FLT1: variants seen among roughly 807,000 people sequenced by gnomAD.
FLT1 encodes fms related receptor tyrosine kinase 1.
Under a neutral mutation model 156.3 loss-of-function variants are expected in FLT1, and 49 were observed. The ratio of observed to expected loss-of-function variants is 0.31; its 90% CI spans 0.25 to 0.40. FLT1 has a LOEUF of 0.40. FLT1 is among the 10% of genes least tolerant of loss of function. FLT1 has a pLI of 1.00. For synonymous variants in FLT1, 594 were observed against 583.8 expected, an observed-to-expected ratio of 1.02 and a Z score of -0.25; for missense variants, 1,322 against 1,637.2, an observed-to-expected ratio of 0.81 and a Z score of 3.32.
chr13:28,470,216 G>A (rs565522298), intron 1 of FLT1, among the ~76,000 whole-genome samples: 188 of 152,276 alleles, frequency 1.2e-3, no homozygotes, highest in African/African-American at 3.7e-3. Context: ...ACCTAGGAAT[G>A]TATTTTAACT....
At chr13:28,431,455 T>G (rs2137547249) in intron 6 of FLT1, 145 bp from the exon 7 acceptor site, 1 of 673,734 alleles carries the variant, frequency 1.5e-6, no homozygotes, top group African/African-American at 1.8e-5. Flanking sequence ...TAGAGCGTAA[T>G]GTTTGGAAAC....
chr13:28,459,123 C>A (rs1879423412), intron 3 of FLT1, among the ~76,000 whole-genome samples: 1 of 152,224 alleles, frequency 6.6e-6, no homozygotes, highest in African/African-American at 2.4e-5. Context: ...AAGGATAATT[C>A]TGCAGATGCA....
At chr13:28,312,327 A>G (rs1871038562) in intron 25 of FLT1, among the ~76,000 whole-genome samples, 1 of 152,130 alleles carries the variant, frequency 6.6e-6, no homozygotes, top group Non-Finnish European at 1.5e-5. Flanking sequence ...CAGACTAACC[A>G]ACCCACCAGA....
rs530954371 is a variant in FLT1, at chr13:28,441,779, C to CA, written c.389-3435dup. Among the ~76,000 whole-genome samples the CA allele has an allele frequency of 4.8e-3, 722 of 151,776 alleles. 9 individuals are homozygous for CA. The highest frequency in any genetic ancestry group is 0.017 in the African/African-American group (689 of 41,406). ...AACATAGCAAGATCCCTTCTCTGCCCAAAAAAAGTTAAAAATGATTATCTT... is the reference window on the plus strand; with the variant it reads ...AACATAGCAAGATCCCTTCTCTGCCCAAAAAAAAGTTAAAAATGATTATCTT... On this transcript the variant is annotated intron_variant, in intron 3 of 29. Transcript: ENST00000282397.
chr13:28,445,906 A>C (rs1371229310), intron 3 of FLT1, among the ~76,000 whole-genome samples: 1 of 152,198 alleles, frequency 6.6e-6, no homozygotes, highest in East Asian at 1.9e-4. Context: ...CAAAAAACTC[A>C]ATAAAGTACT....
chr13:28,401,867 A>G (rs986995292), intron 11 of FLT1, among the ~76,000 whole-genome samples: 6 of 152,246 alleles, frequency 3.9e-5, no homozygotes, highest in African/African-American at 1.2e-4. Context: ...CAATGGAAAT[A>G]TTGCTAACAC....
At chr13:28,465,495 T>C (rs1566044083) in intron 3 of FLT1, among the ~76,000 whole-genome samples, 1 of 152,188 alleles carries the variant, frequency 6.6e-6, no homozygotes, top group Non-Finnish European at 1.5e-5. Context: ...TTTGGATATG[T>C]ACATGTTATG....
intron 10 of FLT1, among the ~76,000 whole-genome samples, chr13:28,420,172 T>A (rs1051585287): frequency 4.6e-5 from 7 of 152,216 alleles, no homozygotes; most frequent in Admixed American, 1.3e-4. Context: ...TTAAGCAGCA[T>A]GCACTTCCTC....
chr13:28,381,465 A>G (rs1039459064), intron 14 of FLT1, among the ~76,000 whole-genome samples: 3 of 152,218 alleles, frequency 2.0e-5, no homozygotes, highest in Non-Finnish European at 4.4e-5. Flanking sequence ...AGGCTGAGTC[A>G]GGAGAATCAC....
At chr13:28,374,040 G>A (rs1873737002) in intron 14 of FLT1, among the ~76,000 whole-genome samples, 1 of 152,152 alleles carries the variant, frequency 6.6e-6, no homozygotes, top group Non-Finnish European at 1.5e-5. Flanking sequence ...GTCAAAAAAG[G>A]AGAAGCTTTA....
chr13:28,346,169 GCCTGAGATAGAAGAGGCAATTGCTGGA>G (rs1319914452), intron 15 of FLT1: 1 of 152,900 alleles, frequency 6.5e-6, no homozygotes, highest in Non-Finnish European at 1.5e-5. Context: ...AGATTGGGGG[GCCTGAGATAGAAGAGGCAATTGCTGGA>G]CCTGAATCCT....
At chr13:28,344,877 C>T (rs977106624) in intron 16 of FLT1, among the ~76,000 whole-genome samples, 4 of 130,440 alleles carry the variant, frequency 3.1e-5, no homozygotes, top group Non-Finnish European at 6.2e-5. Flanking sequence ...ATATGACTCA[C>T]TTCTCACTTG....
intron 4 of FLT1, among the ~76,000 whole-genome samples, chr13:28,434,920 A>G (rs201850383): frequency 1.3e-5 from 2 of 152,240 alleles, no homozygotes; most frequent in Non-Finnish European, 2.9e-5. Context: ...TTTTTTTTCT[A>G]CCGGGGCTGC....
intron 10 of FLT1, among the ~76,000 whole-genome samples, chr13:28,417,974 T>C (rs114293295): frequency 0.022 from 3,280 of 152,220 alleles, 127 homozygotes; most frequent in African/African-American, 0.074. Context: ...AGCCATGAGT[T>C]TTGTGAGGCC....
At chr13:28,428,123 C>T (rs184912502) in intron 8 of FLT1, among the ~76,000 whole-genome samples, 1 of 152,158 alleles carries the variant, frequency 6.6e-6, no homozygotes. Context: ...TATTTATTGG[C>T]AAGGAAGAAG....
At position 28,322,332 on chromosome 13, in the gene FLT1, A is replaced by C; in HGVS notation, c.2981T>G (p.Ile994Ser). 1 of 1,612,936 alleles carries C rather than the reference A, an allele frequency of 6.2e-7. No individual in the cohort carries two copies. Among genetic ancestry groups the C allele is most frequent in the Non-Finnish European group, 8.5e-7 (1 of 1,178,890 alleles). The change falls in exon 22 of 30, where the codon ATC (isoleucine) becomes AGC (serine). Residue 994 changes from isoleucine to serine, a missense_variant. Ile to Ser is a moderately radical substitution (Grantham distance 142). Coordinates refer to ENST00000282397, the MANE Select transcript of FLT1 (RefSeq NM_002019.4). This position sits in a 1 kb window ranked among gnomAD's most constrained non-coding sequence, Gnocchi z 4.3. ...EDSDGFYKEP[I>S]TMEDLISYSF... is the part of the protein sequence containing the mutation. ...GTAAGAAATCAGATCTTCCATAGTG[A>C]TGGGCTCCTTGTAGAAACCGTCAGA...
Position 28,430,541 on chromosome 13 carries a change from A to T in FLT1, c.989-374T>A, listed in dbSNP as rs538951376. Among the ~76,000 whole-genome samples, 3 of 152,328 alleles carry T rather than the reference A, an allele frequency of 2.0e-5. No individual in the cohort carries two copies. In the East Asian group the frequency reaches 5.8e-4, roughly 29 times the overall value. On this transcript the variant is annotated intron_variant, in intron 7 of 29. Coordinates refer to ENST00000282397, the MANE Select transcript of FLT1 (RefSeq NM_002019.4). ...TACACCCTAAAACAACCAATTTGAT[A>T]TCAAAAATCAACTGGAGAAAGACAA...
rs1870570610 is a variant in FLT1, at chr13:28,302,903, C to T, written c.*264G>A. The T allele has an allele frequency of 2.0e-6, 1 of 500,200 alleles. No individual in the cohort carries two copies. Among genetic ancestry groups the T allele is most frequent in the African/African-American group, 1.9e-5 (1 of 52,080 alleles). The allele number at this position is 500,200 out of a possible 1,614,324, so 31.0% of individuals were successfully genotyped here. On this transcript the variant is annotated 3_prime_UTR_variant, in exon 30 of 30. Transcript: ENST00000282397. Reference sequence around the variant, plus strand: ...GTGGCGGGGGTTGGAGCAGGGAAGTCATTGGGTTTAGGAAGGATTTCTCTA... The same window carrying T: ...GTGGCGGGGGTTGGAGCAGGGAAGTTATTGGGTTTAGGAAGGATTTCTCTA...
intron 10 of FLT1, among the ~76,000 whole-genome samples, chr13:28,422,102 T>A (rs1407048948): frequency 6.6e-6 from 1 of 152,258 alleles, no homozygotes; most frequent in Non-Finnish European, 1.5e-5. Context: ...GTTTTACACG[T>A]GGTTGGTGCC....
Sources: gnomAD v4.1 joint callset for allele counts (sites outside exome capture counted in the v4.1 genomes callset) on GRCh38, gnomAD v4.1.1 for gene constraint, Gnocchi (gnomAD v3.1) non-coding constraint, MANE v1.5 for transcripts, NCBI Gene and HGNC (gene_info 2026-07-23, HGNC 2026-07-21) for gene names.